Variants in ST6GALNAC3 observed in about 807,000 individuals in gnomAD.
The protein encoded by ST6GALNAC3 is alpha-N-acetylgalactosaminide alpha-2,6-sialyltransferase 3.
ST6GALNAC3 carries 25 observed loss-of-function variants against 32.7 expected under a neutral mutation model. The observed-to-expected ratio is 0.76, with a 90% CI of 0.56 to 1.07. The LOEUF (loss-of-function observed/expected upper bound fraction) is 1.07, where lower values mean the gene tolerates loss of function less well. Among genes scored for constraint, ST6GALNAC3 ranks in the 50% least tolerant of loss-of-function variants. The pLI is 0.00. For missense variants in ST6GALNAC3, 355 were observed against 382.4 expected (o/e 0.93, Z 0.60); for synonymous variants, 129 against 133.1 (o/e 0.97, Z 0.21).
intron 3 of ST6GALNAC3, among the ~76,000 whole-genome samples, chr1:76,476,146 A>C (rs913331788): frequency 6.6e-6 from 1 of 152,190 alleles, no homozygotes; most frequent in Non-Finnish European, 1.5e-5. Flanking sequence ...AAGCAAACCG[A>C]AACTGACATA....
intron 1 of ST6GALNAC3, among the ~76,000 whole-genome samples, chr1:76,119,989 C>T (rs906876467): frequency 3.9e-5 from 6 of 152,224 alleles, no homozygotes; most frequent in African/African-American, 7.2e-5. Flanking sequence ...CCACTCTACC[C>T]GGAGTGCCCA....
At chr1:76,194,055 A>T (rs1300079694) in intron 1 of ST6GALNAC3, among the ~76,000 whole-genome samples, 2 of 152,150 alleles carry the variant, frequency 1.3e-5, no homozygotes, top group Non-Finnish European at 2.9e-5. Context: ...AACCCACCTA[A>T]CCACCCTAAT....
chr1:76,512,015 A>T (rs1481358252), intron 3 of ST6GALNAC3, among the ~76,000 whole-genome samples: 1 of 152,148 alleles, frequency 6.6e-6, no homozygotes, highest in African/African-American at 2.4e-5. Context: ...GATCTGAGAA[A>T]TATTTATCTC....
At chr1:76,432,107 C>A (rs1286041133) in intron 3 of ST6GALNAC3, among the ~76,000 whole-genome samples, 1 of 152,150 alleles carries the variant, frequency 6.6e-6, no homozygotes, top group Non-Finnish European at 1.5e-5. Flanking sequence ...AGACTAGATT[C>A]TGTTACTTAG....
At chr1:76,486,752 A>G (rs1660145623) in intron 3 of ST6GALNAC3, among the ~76,000 whole-genome samples, 1 of 152,064 alleles carries the variant, frequency 6.6e-6, no homozygotes, top group African/African-American at 2.4e-5. Context: ...TTATGTGTGA[A>G]TTTGATCCTG....
intron 1 of ST6GALNAC3, among the ~76,000 whole-genome samples, chr1:76,206,016 T>C (rs1334217497): frequency 6.6e-6 from 1 of 152,226 alleles, no homozygotes; most frequent in Admixed American, 6.5e-5. Context: ...ATGGTATTTC[T>C]TGAGCTCTTT....
chr1:76,130,179 C>T (rs1033363913), intron 1 of ST6GALNAC3, among the ~76,000 whole-genome samples: 1 of 152,218 alleles, frequency 6.6e-6, no homozygotes, highest in Non-Finnish European at 1.5e-5. Flanking sequence ...ATGCAGCAAA[C>T]TTGCCATAGT....
chr1:76,157,991 C>G (rs1651567437), intron 1 of ST6GALNAC3, among the ~76,000 whole-genome samples: 2 of 152,212 alleles, frequency 1.3e-5, no homozygotes, highest in Admixed American at 6.5e-5. Flanking sequence ...AGCGTCAACC[C>G]AAGTCTCTGA....
chr1:76,225,323 C>A (rs896783224), intron 1 of ST6GALNAC3, among the ~76,000 whole-genome samples: 2 of 152,138 alleles, frequency 1.3e-5, no homozygotes, highest in African/African-American at 4.8e-5. Flanking sequence ...TAATTGGAAA[C>A]CTGTGACTTT....
At chr1:76,277,936 C>T (rs141030940) in intron 1 of ST6GALNAC3, among the ~76,000 whole-genome samples, 2 of 152,202 alleles carry the variant, frequency 1.3e-5, no homozygotes, top group African/African-American at 4.8e-5. Flanking sequence ...CAAGTCTCCT[C>T]CCACATTCTC....
intron 3 of ST6GALNAC3, among the ~76,000 whole-genome samples, chr1:76,613,644 G>A (rs1487535770): frequency 2.6e-5 from 4 of 152,164 alleles, no homozygotes; most frequent in Non-Finnish European, 5.9e-5. Flanking sequence ...GCTGTTCTCC[G>A]GACAGTGAGT....
intron 1 of ST6GALNAC3, among the ~76,000 whole-genome samples, chr1:76,176,408 C>G (rs1313656221): frequency 6.6e-6 from 1 of 152,126 alleles, no homozygotes; most frequent in African/African-American, 2.4e-5. Context: ...TTTTCTAGTG[C>G]TTTAAACAGA....
intron 1 of ST6GALNAC3, among the ~76,000 whole-genome samples, chr1:76,100,858 G>A (rs1203142959): frequency 6.6e-6 from 1 of 151,018 alleles, no homozygotes; most frequent in Non-Finnish European, 1.5e-5. Flanking sequence ...TTTTTTAATG[G>A]ACATTTTTTT....
chr1:76,577,517 C>A (rs1646830172), intron 3 of ST6GALNAC3, among the ~76,000 whole-genome samples: 1 of 151,892 alleles, frequency 6.6e-6, no homozygotes, highest in Admixed American at 6.6e-5. Context: ...CATTCATTTT[C>A]TTATAGACCT....
intron 1 of ST6GALNAC3, among the ~76,000 whole-genome samples, chr1:76,158,721 G>A (rs1282975959): frequency 6.6e-6 from 1 of 152,132 alleles, no homozygotes. Flanking sequence ...GTTAGCACAG[G>A]GAATGAGGGA....
chr1:76,125,991 G>C (rs1649213564), intron 1 of ST6GALNAC3, among the ~76,000 whole-genome samples: 1 of 152,166 alleles, frequency 6.6e-6, no homozygotes. Context: ...CTTCCTGCTG[G>C]TGTTGGAGAC....
chr1:76,150,479 T>G (rs1650971138), intron 1 of ST6GALNAC3, among the ~76,000 whole-genome samples: 1 of 152,242 alleles, frequency 6.6e-6, no homozygotes, highest in Non-Finnish European at 1.5e-5. Flanking sequence ...TAATTGCCTT[T>G]TTCCTGTTGA....
chr1:76,342,498 A>G (rs1467160774), intron 2 of ST6GALNAC3, among the ~76,000 whole-genome samples: 3 of 151,680 alleles, frequency 2.0e-5, no homozygotes, highest in Non-Finnish European at 4.4e-5. Flanking sequence ...TGTTGGCTGC[A>G]TAAATGTCTT....
chr1:76,378,251 G>A (rs576182585), intron 2 of ST6GALNAC3, among the ~76,000 whole-genome samples: 4 of 152,332 alleles, frequency 2.6e-5, no homozygotes, highest in Non-Finnish European at 4.4e-5. Context: ...GTCCCTAGTA[G>A]TAAGAAATAT....
Sources: gnomAD v4.1 joint callset for allele counts (sites outside exome capture counted in the v4.1 genomes callset) on GRCh38, gnomAD v4.1.1 for gene constraint, MANE v1.5 for transcripts, NCBI Gene and HGNC (gene_info 2026-07-23, HGNC 2026-07-21) for gene names.